The following THADA variants were observed in gnomAD, a reference collection of about 807,000 sequenced individuals.
The protein encoded by THADA is tRNA (32-2'-O)-methyltransferase regulator THADA.
A neutral mutation model predicts 219.8 loss-of-function variants in THADA; 213 were observed. The observed-to-expected ratio is 0.97, with a 90% CI of 0.87 to 1.09. THADA has a LOEUF of 1.09. Among genes scored for constraint, THADA ranks in the 50% least tolerant of loss-of-function variants. The probability of loss-of-function intolerance (pLI) is 0.00; values close to 1 mark genes in which losing one functional copy is unlikely to be tolerated. For synonymous variants in THADA, 1,018 were observed against 828.9 expected, an observed-to-expected ratio of 1.23 and a Z score of -3.92; for missense variants, 2,956 against 2,311.3, an observed-to-expected ratio of 1.28 and a Z score of -5.72.
At chr2:43,583,532 T>C (rs1421003233) in intron 7 of THADA, among the ~76,000 whole-genome samples, 1 of 152,202 alleles carries the variant, frequency 6.6e-6, no homozygotes, top group African/African-American at 2.4e-5. Context: ...AAGTTAAATA[T>C]AGAATTATCT....
intron 22 of THADA, among the ~76,000 whole-genome samples, chr2:43,523,564 T>C (rs182111086): frequency 1.3e-5 from 2 of 152,310 alleles, no homozygotes; most frequent in Admixed American, 6.5e-5. Context: ...TTTAAATTGC[T>C]CATCAAAAGT....
rs113816563 is a variant in THADA at position 43,428,064 on chromosome 2, G to A, written c.4058+36C>T. 6.4e-5 allele frequency: 94 copies of A among 1,476,234 alleles called. 1 individual carries two copies. The highest frequency in any genetic ancestry group is 3.0e-4 in the African/African-American group (21 of 70,434). 91.4% of individuals were successfully genotyped at this position (1,476,234 alleles called of 1,614,324 possible). ...TAAAATATTCCCGTAAAACTCCCAC[G>A]CCAACCTAGACAATTTCTACACAGC... is the stretch of plus-strand genomic sequence containing the variant. On this transcript the variant is annotated intron_variant, in intron 28 of 37. Transcript: ENST00000405975.
chr2:43,385,023 C>T (rs905234821), intron 29 of THADA, among the ~76,000 whole-genome samples: 5 of 152,066 alleles, frequency 3.3e-5, no homozygotes, highest in African/African-American at 1.2e-4. Flanking sequence ...CGCCTGTAGT[C>T]CCTGCTATTT....
At chr2:43,235,724 C>G (rs1027352297) in intron 36 of THADA, among the ~76,000 whole-genome samples, 2 of 152,164 alleles carry the variant, frequency 1.3e-5, no homozygotes, top group Admixed American at 6.5e-5. Flanking sequence ...CATAAAGAAC[C>G]TATGGGGGTG....
At chr2:43,255,342 G>A (rs1230458498) in intron 36 of THADA, among the ~76,000 whole-genome samples, 1 of 152,222 alleles carries the variant, frequency 6.6e-6, no homozygotes, top group Non-Finnish European at 1.5e-5. Flanking sequence ...GGCATGCTAA[G>A]TGGTTTTGCT....
chr2:43,420,890 GC>G (rs1436139670), intron 28 of THADA, among the ~76,000 whole-genome samples: 1 of 152,140 alleles, frequency 6.6e-6, no homozygotes, highest in African/African-American at 2.4e-5. Context: ...AATTCAGAGG[GC>G]CATGAGTACA....
chr2:43,352,033 C>T (rs1668331837), intron 29 of THADA, among the ~76,000 whole-genome samples: 1 of 152,194 alleles, frequency 6.6e-6, no homozygotes, highest in Non-Finnish European at 1.5e-5. Context: ...TAACTAAACA[C>T]TAACATAATA....
chr2:43,586,972 T>C lies in THADA; in HGVS notation c.333A>G (p.Leu111=), dbSNP rs1701093013. 2 of 1,613,408 alleles carry C rather than the reference T, an allele frequency of 1.2e-6. No individual in the cohort carries two copies. The highest frequency in any genetic ancestry group is 1.1e-5 in the South Asian group (1 of 91,016). Reference sequence around the variant, plus strand: ...AAGTAAAACGGTGCATAGCCTCAGGTAGAAAAAAATCAGGCAGGCTATTTA... The same window carrying C: ...AAGTAAAACGGTGCATAGCCTCAGGCAGAAAAAAATCAGGCAGGCTATTTA... ...SSLNSLPDFF[L]PEAMHRFTSR... Residue 111 remains leucine, a synonymous_variant, in exon 5 of 38, where the codon CTA becomes CTG. Transcript: ENST00000405975.
chr2:43,322,269 T>G (rs952707248), intron 30 of THADA, among the ~76,000 whole-genome samples: 1 of 151,984 alleles, frequency 6.6e-6, no homozygotes, highest in African/African-American at 2.4e-5. Flanking sequence ...TTTGGGAGGC[T>G]GAGGTGGGTG....
At chr2:43,249,997 C>T (rs1340696801) in intron 36 of THADA, among the ~76,000 whole-genome samples, 6 of 152,174 alleles carry the variant, frequency 3.9e-5, no homozygotes, top group East Asian at 1.9e-4. Context: ...AAAGGACCTC[C>T]AGTTCCTCAA....
At chr2:43,406,131 G>A (rs1675501394) in intron 28 of THADA, among the ~76,000 whole-genome samples, 1 of 152,170 alleles carries the variant, frequency 6.6e-6, no homozygotes, top group African/African-American at 2.4e-5. Context: ...GCAAGAAATA[G>A]GCACAGCACT....
intron 26 of THADA, among the ~76,000 whole-genome samples, chr2:43,476,709 C>A (rs116743055): frequency 6.6e-6 from 1 of 152,072 alleles, no homozygotes; most frequent in South Asian, 2.1e-4. Context: ...TTCTCCCTGT[C>A]GGCACTCTTC....
intron 27 of THADA, among the ~76,000 whole-genome samples, chr2:43,429,767 T>G (rs767683072): frequency 1.3e-5 from 2 of 151,818 alleles, no homozygotes; most frequent in African/African-American, 4.8e-5. Context: ...TTTTAAAATA[T>G]AAAGACAGGA....
chr2:43,556,027 T>C, intron 17 of THADA: 1 of 345,038 alleles, frequency 2.9e-6, no homozygotes, highest in Non-Finnish European at 4.3e-6. Context: ...ATAAAGATGG[T>C]CTGTCTCTAG....
intron 36 of THADA, among the ~76,000 whole-genome samples, chr2:43,243,835 T>C (rs1020641363): frequency 1.3e-5 from 2 of 152,192 alleles, no homozygotes; most frequent in Admixed American, 1.3e-4. Context: ...ATGGAACAAA[T>C]GGCCTGGGTT....
At chr2:43,461,744 G>A (rs971405563) in intron 26 of THADA, among the ~76,000 whole-genome samples, 4 of 152,182 alleles carry the variant, frequency 2.6e-5, no homozygotes, top group Non-Finnish European at 2.9e-5. Flanking sequence ...TGGCATGGCC[G>A]ATCCAAGTTT....
intron 7 of THADA, among the ~76,000 whole-genome samples, chr2:43,582,922 G>A (rs1371935703): frequency 6.6e-6 from 1 of 151,946 alleles, no homozygotes; most frequent in African/African-American, 2.4e-5. Flanking sequence ...TACTTCACCA[G>A]CACTCCTTCT....
rs1330263180 is a variant in THADA, at chr2:43,578,520, G to A, written c.809C>T (p.Pro270Leu). 2 of 1,607,748 alleles carry A rather than the reference G, an allele frequency of 1.2e-6. No individual in the cohort carries two copies. The highest frequency in any genetic ancestry group is 1.7e-6 in the Non-Finnish European group (2 of 1,174,814). ...AAAAGGAGATGCACTTACCAAATGA[G>A]GAATCTTTTCAGACGGGTGAAACAT... ...KTMFHPSEKI[P>L]HLISSVLLRS... Residue 270 changes from proline (P) to leucine (L), a missense_variant, in exon 9 of 38, where the codon CCT (proline) becomes CTT (leucine). Pro to Leu is a moderately conservative substitution (Grantham distance 98). Coordinates refer to ENST00000405975, the MANE Select transcript of THADA (RefSeq NM_022065.5).
intron 36 of THADA, among the ~76,000 whole-genome samples, chr2:43,278,649 T>C (rs1166424388): frequency 2.0e-5 from 3 of 152,324 alleles, no homozygotes; most frequent in Non-Finnish European, 1.5e-5. Flanking sequence ...CCTGGTGCGG[T>C]ATCACTGAGA....
Sources: gnomAD v4.1 joint callset for allele counts (sites outside exome capture counted in the v4.1 genomes callset) on GRCh38, gnomAD v4.1.1 for gene constraint, MANE v1.5 for transcripts, NCBI Gene and HGNC (gene_info 2026-07-23, HGNC 2026-07-21) for gene names.